The following TMEM94 variants were observed in gnomAD, a reference collection of about 807,000 sequenced individuals.
TMEM94 encodes the protein ER Mg2+ ATPase.
Under a neutral mutation model 158.6 loss-of-function variants are expected in TMEM94, and 81 were observed. The observed-to-expected ratio is 0.51, with a 90% CI of 0.43 to 0.61. The LOEUF is 0.61. Ranked by LOEUF, TMEM94 falls within the 20% of genes least tolerant of loss-of-function variation. TMEM94 has a pLI of 0.00. For missense variants in TMEM94, 1,435 were observed against 1,762.0 expected, an observed-to-expected ratio of 0.81 and a Z score of 3.32; for synonymous variants, 751 against 730.7, an observed-to-expected ratio of 1.03 and a Z score of -0.45.
chr17:75,475,746 C>G (rs897592113), intron 2 of TMEM94, among the ~76,000 whole-genome samples: 4 of 152,236 alleles, frequency 2.6e-5, no homozygotes, highest in African/African-American at 9.6e-5. Context: ...GGCCCAGCAG[C>G]ACTTGGGCCG....
intron 2 of TMEM94, among the ~76,000 whole-genome samples, chr17:75,475,215 T>C (rs1233421793): frequency 6.6e-6 from 1 of 152,200 alleles, no homozygotes; most frequent in East Asian, 1.9e-4. Flanking sequence ...CTTCTCTCCA[T>C]GGAGTCTTCC....
Position 75,491,192 on chromosome 17 carries a change from C to T in TMEM94, c.1233+39C>T. ...TTGCGGGGAGGAGGCAACTGTCATG[C>T]CCGCCCTGCTCTCTGGCTGGGCCTG... On this transcript the variant is annotated intron_variant, in intron 12 of 31. Transcript: ENST00000314256. This position sits in a 1 kb window ranked among gnomAD's most constrained non-coding sequence, Gnocchi z 5.1. The T allele has an allele frequency of 1.9e-6, 3 of 1,593,944 alleles. No homozygotes were observed. The highest frequency in any genetic ancestry group is 8.6e-7 in the Non-Finnish European group (1 of 1,167,216).
chr17:75,498,143 C>T lies in TMEM94; in HGVS notation c.3490-32C>T, dbSNP rs765358856. 4.4e-5 allele frequency: 70 copies of T among 1,608,802 alleles called. No homozygotes were observed. The Admixed American group carries it at 4.5e-4, about 10-fold the overall frequency. ...AGGAGCAGCCGGCAGAGGGGCTGTG[C>T]GCCCCAGGAGTGACTGGCCTTGTTC... On this transcript the variant is annotated intron_variant, in intron 27 of 31. Coordinates refer to ENST00000314256, the MANE Select transcript of TMEM94 (RefSeq NM_014738.6). This position sits in a 1 kb window ranked among gnomAD's most constrained non-coding sequence, Gnocchi z 6.7.
rs1465439642 is a variant in TMEM94 at position 75,487,675 on chromosome 17, G to C, written c.410-257G>C. Among the ~76,000 whole-genome samples the C allele has an allele frequency of 6.6e-6, 1 of 152,198 alleles. No homozygotes were observed. Among genetic ancestry groups the C allele is most frequent in the African/African-American group, 2.4e-5 (1 of 41,448 alleles). On this transcript the variant is annotated intron_variant, in intron 5 of 31. Coordinates refer to ENST00000314256, the MANE Select transcript of TMEM94 (RefSeq NM_014738.6). This position sits in a 1 kb window ranked among gnomAD's most constrained non-coding sequence, Gnocchi z 4.6. ...TCTGCAATGTTTGTGAAGTGTATCT[G>C]AATGGGATGGGGGTACAAAGAACGA...
intron 6 of TMEM94, among the ~76,000 whole-genome samples, 185 bp from the exon 7 acceptor site, chr17:75,488,574 G>A (rs1335373041): frequency 6.6e-6 from 1 of 152,114 alleles, no homozygotes; most frequent in Non-Finnish European, 1.5e-5. Flanking sequence ...GAGCCACCAC[G>A]CCTGGCCCCC....
rs752187803 is a variant in TMEM94, at chr17:75,498,861, G to T, written c.3828-51G>T. The T allele has an allele frequency of 1.6e-5, 24 of 1,525,512 alleles. No individual in the cohort carries two copies. The highest frequency in any genetic ancestry group is 2.0e-5 in the Non-Finnish European group (23 of 1,136,632). The allele number at this position is 1,525,512 out of a possible 1,614,324, so 94.5% of individuals were successfully genotyped here. On this transcript the variant is annotated intron_variant, in intron 30 of 31. Transcript: ENST00000314256. This position sits in a 1 kb window ranked among gnomAD's most constrained non-coding sequence, Gnocchi z 6.7. Reference sequence around the variant, plus strand: ...GCTAACTGTTGTACTGGGAAGAGCAGGGAAGGAAGCAAGCAGTGTCGGGTT... The same window carrying T: ...GCTAACTGTTGTACTGGGAAGAGCATGGAAGGAAGCAAGCAGTGTCGGGTT...
At chr17:75,497,244 G>C in intron 26 of TMEM94, 46 bp downstream of exon 26, 1 of 1,506,930 alleles carries the variant, frequency 6.6e-7, no homozygotes, top group Non-Finnish European at 9.2e-7. Context: ...TAAGCAGGAG[G>C]TGTCTGGATG....
chr17:75,488,448 A>AT (rs925746195), intron 6 of TMEM94, among the ~76,000 whole-genome samples: 4 of 151,998 alleles, frequency 2.6e-5, no homozygotes, highest in Non-Finnish European at 5.9e-5. Context: ...CAACTGGCTT[A>AT]TTTTTTATTT....
chr17:75,489,896 T>C lies in TMEM94; in HGVS notation c.954+234T>C. On this transcript the variant is annotated intron_variant, in intron 9 of 31. Transcript: ENST00000314256. The surrounding 1 kb of genome is among the most constrained non-coding windows in gnomAD (Gnocchi z 5.0). Reference sequence around the variant, plus strand: ...GAGATCGAGACCATCCTGGCCAATATGGTGAAACCCCGTCTCTACTAAGAA... The same window carrying C: ...GAGATCGAGACCATCCTGGCCAATACGGTGAAACCCCGTCTCTACTAAGAA... The C allele has an allele frequency of 1.7e-6, 1 of 581,654 alleles. No individual in the cohort carries two copies. Among genetic ancestry groups the C allele is most frequent in the Non-Finnish European group, 3.1e-6 (1 of 324,416 alleles). The allele number at this position is 581,654 out of a possible 1,614,324, so 36.0% of individuals were successfully genotyped here. A position where few individuals can be genotyped will look rare whatever the true frequency, so the allele number is the denominator to read the frequency against.
At chr17:75,463,420 A>G (rs1463989204) in intron 1 of TMEM94, among the ~76,000 whole-genome samples, 1 of 151,514 alleles carries the variant, frequency 6.6e-6, no homozygotes, top group Non-Finnish European at 1.5e-5. Context: ...AGTTTCTCCA[A>G]CCTGGTTGCT....
chr17:75,460,230 G>C (rs1012576017), intron 1 of TMEM94, among the ~76,000 whole-genome samples: 10 of 152,182 alleles, frequency 6.6e-5, no homozygotes, highest in African/African-American at 2.4e-4. Flanking sequence ...GAAAGGCTTA[G>C]AGTGGTATTT....
At chr17:75,461,530 A>G (rs1347780410) in intron 1 of TMEM94, among the ~76,000 whole-genome samples, 1 of 152,192 alleles carries the variant, frequency 6.6e-6, no homozygotes, top group Non-Finnish European at 1.5e-5. Flanking sequence ...TATATATAGT[A>G]AAAATTCTTC....
chr17:75,497,892 A>ATG, intron 27 of TMEM94, 30 bp downstream of exon 27: 1 of 1,586,462 alleles, frequency 6.3e-7, no homozygotes, highest in African/African-American at 1.3e-5. Flanking sequence ...TGAGCCTTGC[A>ATG]AGTGAGCATG....
intron 2 of TMEM94, among the ~76,000 whole-genome samples, chr17:75,484,588 G>A (rs1271430557): frequency 6.6e-6 from 1 of 151,604 alleles, no homozygotes. Context: ...GTACAGATGG[G>A]GTTCCTCTAT....
Position 75,497,128 on chromosome 17 carries a change from G to A in TMEM94, c.3337G>A (p.Val1113Ile). The A allele has an allele frequency of 6.2e-7, 1 of 1,614,018 alleles. No individual in the cohort carries two copies. Among genetic ancestry groups the A allele is most frequent in the Non-Finnish European group, 8.5e-7 (1 of 1,179,974 alleles). ...LVVIQFLSCL[V>I]QLPPLLSTTD... ...CCTGGTCTAGTTCCTTTCTTGCCTG[G>A]TCCAGCTGCCGCCACTCCTGAGTAC... is the stretch of plus-strand genomic sequence containing the variant. The change falls in exon 26 of 32, where the codon GTC becomes ATC. Residue 1113 changes from valine to isoleucine, a missense_variant. Val to Ile is a conservative substitution (Grantham distance 29). Transcript: ENST00000314256.
intron 1 of TMEM94, among the ~76,000 whole-genome samples, chr17:75,463,070 A>ACG (rs2050148928): frequency 7.6e-5 from 2 of 26,288 alleles, no homozygotes; most frequent in Non-Finnish European, 1.2e-4. Context: ...ATATATATAT[A>ACG]TATATATATA....
intron 5 of TMEM94, among the ~76,000 whole-genome samples, chr17:75,486,704 G>C (rs539330516): frequency 6.6e-6 from 1 of 152,340 alleles, no homozygotes; most frequent in East Asian, 1.9e-4. Flanking sequence ...AACCAACAGG[G>C]AAGTCCTCTC....
intron 2 of TMEM94, among the ~76,000 whole-genome samples, chr17:75,483,647 A>G (rs2051352655): frequency 6.6e-6 from 1 of 151,872 alleles, no homozygotes; most frequent in African/African-American, 2.4e-5. Context: ...TTTAGTAGGG[A>G]TGGGGTTTCA....
Position 75,495,279 on chromosome 17 carries a change from C to G in TMEM94, c.2729-5C>G, listed in dbSNP as rs182173871. The G allele has an allele frequency of 6.3e-7, 1 of 1,594,970 alleles. No individual in the cohort carries two copies. Among genetic ancestry groups the G allele is most frequent in the Non-Finnish European group, 8.6e-7 (1 of 1,167,604 alleles). ...AAGGTGAGGGAGAGGCTTTTGTCCCCACAGTGTCCCGAGATGATGCAGAAG... is the reference window on the plus strand; with the variant it reads ...AAGGTGAGGGAGAGGCTTTTGTCCCGACAGTGTCCCGAGATGATGCAGAAG... On this transcript the variant is annotated splice_polypyrimidine_tract_variant and splice_region_variant and intron_variant, in intron 20 of 31. Transcript: ENST00000314256. This position sits in a 1 kb window ranked among gnomAD's most constrained non-coding sequence, Gnocchi z 5.6.
Sources: allele counts gnomAD v4.1 joint callset (sites outside exome capture counted in the v4.1 genomes callset), GRCh38; gene constraint gnomAD v4.1.1; non-coding constraint Gnocchi (gnomAD v3.1); transcripts MANE v1.5; gene names NCBI Gene and HGNC (gene_info 2026-07-23, HGNC 2026-07-21).